Variants in SPTB observed in about 807,000 individuals in gnomAD.
SPTB encodes spectrin beta chain, erythrocytic.
SPTB carries 45 observed loss-of-function variants against 256.2 expected under a neutral mutation model. The observed-to-expected ratio is 0.18, with a 90% CI of 0.14 to 0.23. The LOEUF is 0.23. Among genes scored for constraint, SPTB ranks in the 10% least tolerant of loss-of-function variants. SPTB has a pLI of 1.00. For synonymous variants in SPTB, 1,231 were observed against 1,243.1 expected (o/e 0.99, Z 0.21); for missense variants, 2,715 against 3,040.4 (o/e 0.89, Z 2.52).
chr14:64,855,317 T>G (rs1443216848), intron 1 of SPTB, among the ~76,000 whole-genome samples: 2 of 152,192 alleles, frequency 1.3e-5, no homozygotes, highest in Non-Finnish European at 2.9e-5. Flanking sequence ...GACACCAGCC[T>G]AGAGATCTAT....
intron 25 of SPTB, 59 bp downstream of exon 25, chr14:64,773,161 G>T (rs1594759548): frequency 6.2e-7 from 1 of 1,605,682 alleles, no homozygotes; most frequent in East Asian, 2.2e-5. Flanking sequence ...TTGAGTGACG[G>T]CTGGCTGCGT....
chr14:64,779,782 C>T lies in SPTB; in HGVS notation c.4416G>A (p.Lys1472=), dbSNP rs1158336801. The change falls in exon 21 of 36, where the codon AAG becomes AAA. Residue 1472 remains lysine (K), a synonymous_variant. Transcript: ENST00000644917. The surrounding 1 kb of genome is among the most constrained non-coding windows in gnomAD (Gnocchi z 4.2). ...GCTTGGCTCTGGATGATTCCAGCTG[C>T]TTCTTCCTCCTTCCTAGGGGTTCCA... ...DLLEPLGRRK[K]QLESSRAKLQ... is the part of the protein sequence containing the mutation. 5 of 1,614,006 alleles carry T rather than the reference C, an allele frequency of 3.1e-6. No homozygotes were observed. Among genetic ancestry groups the T allele is most frequent in the Admixed American group, 1.7e-5 (1 of 60,006 alleles).
intron 30 of SPTB, 144 bp from the exon 31 acceptor site, chr14:64,767,496 T>C: frequency 2.1e-6 from 3 of 1,403,716 alleles, no homozygotes; most frequent in Non-Finnish European, 3.0e-6. Context: ...TCCTTTGCAT[T>C]CGGAGGTCAG....
At chr14:64,820,290 C>T (rs184340632) in intron 2 of SPTB, among the ~76,000 whole-genome samples, 6 of 152,258 alleles carry the variant, frequency 3.9e-5, no homozygotes, top group East Asian at 1.9e-4. Flanking sequence ...AAAGTCAAGA[C>T]GTTGAGACTA....
chr14:64,763,210 C>G (rs903264436), intron 32 of SPTB, among the ~76,000 whole-genome samples: 25 of 152,252 alleles, frequency 1.6e-4, no homozygotes, highest in Non-Finnish European at 4.4e-5. Context: ...GGATGCTCAG[C>G]AGGACCCCCA....
In SPTB at chr14:64,792,426, C is replaced by A. The variant is rs925433818; in HGVS notation, c.2667-570G>T. On this transcript the variant is annotated intron_variant, in intron 14 of 35. Coordinates refer to ENST00000644917, the MANE Select transcript of SPTB (RefSeq NM_001355436.2). This position sits in a 1 kb window ranked among gnomAD's most constrained non-coding sequence, Gnocchi z 4.2. Reference sequence around the variant, plus strand: ...GTGCAGCACCACCTTGGCACTGTTCCAGAGAGCGGCCTCTCCTTCTCCTGA... The same window carrying A: ...GTGCAGCACCACCTTGGCACTGTTCAAGAGAGCGGCCTCTCCTTCTCCTGA... Among the ~76,000 whole-genome samples, 14 of 152,200 alleles carry A rather than the reference C, an allele frequency of 9.2e-5. No homozygotes were observed. The highest frequency in any genetic ancestry group is 1.8e-4 in the Non-Finnish European group (12 of 68,030).
chr14:64,801,667 C>T, intron 6 of SPTB, 87 bp downstream of exon 6: 1 of 1,350,802 alleles, frequency 7.4e-7, no homozygotes, highest in Non-Finnish European at 1.1e-6. Flanking sequence ...GGTCACATTT[C>T]TGTGACTCCA....
At position 64,779,160 on chromosome 14, in the gene SPTB, G is replaced by T. The variant is rs2082417995; in HGVS notation, c.4560C>A (p.Asn1520Lys). The T allele has an allele frequency of 6.2e-7, 1 of 1,613,666 alleles. No homozygotes were observed. The highest frequency in any genetic ancestry group is 1.7e-5 in the Admixed American group (1 of 59,996). The stretch of plus-strand genomic sequence containing the variant: ...GGTGAGGTGACGCAGGACTCACCTG[G>T]TTCTTCTTCATGAACAGTTGCACAG... Reference protein sequence around the residue: ...LQTVQLFMKKNQTLQNEILGH... With the variant: ...LQTVQLFMKKKQTLQNEILGH... Residue 1520 changes from asparagine (N) to lysine (K), a missense_variant, in exon 22 of 36, where the codon AAC becomes AAA. This residue lies in a region of SPTB where 2,239 missense variants were observed against 2,384.4 expected (regional missense o/e 0.94). Transcript: ENST00000644917. This position sits in a 1 kb window ranked among gnomAD's most constrained non-coding sequence, Gnocchi z 4.2.
chr14:64,803,137 AG>A (rs1217519345), intron 4 of SPTB, among the ~76,000 whole-genome samples: 2 of 152,176 alleles, frequency 1.3e-5, no homozygotes, highest in Non-Finnish European at 2.9e-5. Context: ...AGCAGGTGCA[AG>A]ACCCTGTTTT....
chr14:64,768,991 G>A lies in SPTB; in HGVS notation c.6022+43C>T, dbSNP rs114691558. 3.0e-3 allele frequency: 4,551 copies of A among 1,504,298 alleles called. 32 individuals carry two copies. The highest frequency in any genetic ancestry group is 0.018 in the African/African-American group (1,330 of 73,026). The allele number at this position is 1,504,298 out of a possible 1,614,324, so 93.2% of individuals were successfully genotyped here. A position where few individuals can be genotyped will look rare whatever the true frequency, so the allele number is the denominator to read the frequency against. ...CCTCCCCATTCCCCTACTCCTGCGG[G>A]GGTACTCCTGCCCCTGGGCCCTGGC... On this transcript the variant is annotated intron_variant, in intron 29 of 35. Transcript: ENST00000644917.
intron 2 of SPTB, 64 bp downstream of exon 2, chr14:64,822,883 G>C (rs999877897): frequency 1.9e-6 from 3 of 1,597,436 alleles, no homozygotes; most frequent in Non-Finnish European, 2.6e-6. Context: ...CACACTAGGT[G>C]GGGAGGGCTG....
Position 64,796,852 on chromosome 14 carries a change from G to T in SPTB, c.1183-137C>A. ...GATGCTCTTGGGTGACGTGGTAGCA[G>T]ATTAAAGATCAATAAAAGCCTTTGG... On this transcript the variant is annotated intron_variant, in intron 10 of 35. Transcript: ENST00000644917. This position sits in a 1 kb window ranked among gnomAD's most constrained non-coding sequence, Gnocchi z 4.1. The T allele has an allele frequency of 8.7e-7, 1 of 1,150,568 alleles. No homozygotes were observed. Among genetic ancestry groups the T allele is most frequent in the Non-Finnish European group, 1.2e-6 (1 of 800,146 alleles). 71.3% of individuals were successfully genotyped at this position (1,150,568 alleles called of 1,614,324 possible).
chr14:64,773,059 C>G, intron 25 of SPTB, 105 bp from the exon 26 acceptor site: 1 of 1,560,984 alleles, frequency 6.4e-7, no homozygotes, highest in Non-Finnish European at 8.7e-7. Context: ...GCTCCGGGAG[C>G]TGCGCTGTCA....
At chr14:64,757,178 C>T (rs2082026781) in intron 32 of SPTB, 1 of 152,264 alleles carries the variant, frequency 6.6e-6, no homozygotes. Flanking sequence ...GGGAGGGAAG[C>T]TTGCCAGACC....
intron 10 of SPTB, among the ~76,000 whole-genome samples, chr14:64,797,261 C>A (rs1020115416): frequency 3.3e-5 from 5 of 151,696 alleles, no homozygotes; most frequent in Non-Finnish European, 5.9e-5. Context: ...TTGTTTGAGC[C>A]CAGTACAAAA....
intron 9 of SPTB, among the ~76,000 whole-genome samples, chr14:64,798,614 C>T (rs2082821759): frequency 6.6e-6 from 1 of 152,224 alleles, no homozygotes; most frequent in Non-Finnish European, 1.5e-5. Flanking sequence ...CTCACAGGCA[C>T]TTAAGAGAAC....
At chr14:64,817,275 G>A (rs550170803) in intron 2 of SPTB, among the ~76,000 whole-genome samples, 236 of 152,330 alleles carry the variant, frequency 1.5e-3, no homozygotes, top group African/African-American at 5.1e-3. Context: ...CCTGCCTGGG[G>A]GCAGGGGGAC....
At chr14:64,811,381 A>G (rs1257141684) in intron 2 of SPTB, among the ~76,000 whole-genome samples, 2 of 152,238 alleles carry the variant, frequency 1.3e-5, no homozygotes, top group African/African-American at 2.4e-5. Flanking sequence ...ATGCAAACAC[A>G]CAATCTAATA....
intron 9 of SPTB, among the ~76,000 whole-genome samples, chr14:64,798,473 C>T (rs1050877155): frequency 6.6e-6 from 1 of 152,172 alleles, no homozygotes; most frequent in Non-Finnish European, 1.5e-5. Flanking sequence ...GGTACAGGCT[C>T]CAGGTATCAG....
Sources: gnomAD v4.1 joint callset for allele counts (sites outside exome capture counted in the v4.1 genomes callset) on GRCh38, gnomAD v4.1.1 for gene constraint, gnomAD v4.1.1 regional missense constraint, Gnocchi (gnomAD v3.1) non-coding constraint, MANE v1.5 for transcripts, NCBI Gene and HGNC (gene_info 2026-07-23, HGNC 2026-07-21) for gene names.